Variants in CCDC149 observed in about 807,000 individuals in gnomAD.
CCDC149 encodes the protein coiled-coil domain containing 149.
Under a neutral mutation model 59.9 loss-of-function variants are expected in CCDC149, and 45 were observed. The observed-to-expected ratio is 0.75, with a 90% confidence interval of 0.59 to 0.96. The LOEUF is 0.96. Ranked by LOEUF, CCDC149 falls within the 40% of genes least tolerant of loss-of-function variation. The pLI is 0.00. For synonymous variants in CCDC149, 245 were observed against 260.6 expected (o/e 0.94, Z 0.58); for missense variants, 584 against 664.7 (o/e 0.88, Z 1.33).
chr4:24,932,713 C>T (rs919224644), intron 1 of CCDC149, among the ~76,000 whole-genome samples: 1 of 152,126 alleles, frequency 6.6e-6, no homozygotes, highest in African/African-American at 2.4e-5. Context: ...AATTAAATTG[C>T]AACCCAGCAC....
intron 1 of CCDC149, among the ~76,000 whole-genome samples, chr4:24,939,563 G>A (rs1432928353): frequency 6.6e-6 from 1 of 152,202 alleles, no homozygotes; most frequent in East Asian, 1.9e-4. Context: ...TTGACGAGTT[G>A]AGAGAGAAAG....
At chr4:24,934,305 G>C (rs911417014) in intron 1 of CCDC149, among the ~76,000 whole-genome samples, 13 of 152,122 alleles carry the variant, frequency 8.5e-5, no homozygotes, top group African/African-American at 2.7e-4. Context: ...TTTTATAAAG[G>C]GTTTCCCCTT....
intron 9 of CCDC149, chr4:24,828,868 A>G: frequency 6.6e-6 from 1 of 152,254 alleles, no homozygotes; most frequent in Non-Finnish European, 1.5e-5. Context: ...AAAAATAAAC[A>G]TGGTCAAATG....
chr4:24,906,375 A>AT (rs1553859575), intron 1 of CCDC149, among the ~76,000 whole-genome samples: 33 of 10,470 alleles, frequency 3.2e-3, no homozygotes, highest in South Asian at 6.5e-3. Context: ...ATTTTATTTT[A>AT]TTTTATTTTA....
chr4:24,808,754 C>T lies in CCDC149; in HGVS notation c.1258G>A (p.Asp420Asn). Residue 420 changes from aspartate to asparagine, a missense_variant, in exon 13 of 13, where the codon GAT becomes AAT. Transcript: ENST00000635206. ...GAGTTGACAGCGGGCCTCCCAGCATCCTCAGGCGCTGTCAACGCCTCAGCA... is the reference window on the plus strand; with the variant it reads ...GAGTTGACAGCGGGCCTCCCAGCATTCTCAGGCGCTGTCAACGCCTCAGCA... The T allele has an allele frequency of 6.4e-7, 1 of 1,551,978 alleles. No individual in the cohort carries two copies. The highest frequency in any genetic ancestry group is 8.7e-7 in the Non-Finnish European group (1 of 1,147,068).
At chr4:24,879,441 C>T (rs761843956) in intron 1 of CCDC149, among the ~76,000 whole-genome samples, 5 of 151,200 alleles carry the variant, frequency 3.3e-5, no homozygotes, top group African/African-American at 9.7e-5. Context: ...CACTTGAACC[C>T]GGGAGGCAGA....
At chr4:24,858,370 T>C (rs1718160679) in intron 3 of CCDC149, among the ~76,000 whole-genome samples, 1 of 152,234 alleles carries the variant, frequency 6.6e-6, no homozygotes, top group South Asian at 2.1e-4. Context: ...GCAGCATAAA[T>C]AGCAAAACAT....
intron 1 of CCDC149, among the ~76,000 whole-genome samples, chr4:24,968,547 C>T (rs1456284505): frequency 6.6e-6 from 1 of 152,174 alleles, no homozygotes; most frequent in Non-Finnish European, 1.5e-5. Context: ...GGCCATGGGG[C>T]CCGAGGCACC....
At chr4:24,804,157 A>G (rs1714008135), downstream of CCDC149, among the ~76,000 whole-genome samples, 2 of 152,330 alleles carry the variant, frequency 1.3e-5, no homozygotes, top group Admixed American at 1.3e-4. Flanking sequence ...TGGAGGCTTC[A>G]GAATGAAAGC....
At chr4:24,916,173 T>C (rs1041954616), upstream of CCDC149, among the ~76,000 whole-genome samples, 1 of 152,206 alleles carries the variant, frequency 6.6e-6, no homozygotes, top group African/African-American at 2.4e-5. Flanking sequence ...TTCTGAAAAC[T>C]GATCTCTAGG....
chr4:24,893,876 G>A (rs1720688699), intron 1 of CCDC149, among the ~76,000 whole-genome samples: 1 of 152,042 alleles, frequency 6.6e-6, no homozygotes, highest in South Asian at 2.1e-4. Flanking sequence ...AAAGTGCTGA[G>A]ATTACAGGTA....
At chr4:24,859,957 T>C (rs1296635747) in intron 3 of CCDC149, among the ~76,000 whole-genome samples, 3 of 152,090 alleles carry the variant, frequency 2.0e-5, no homozygotes, top group Non-Finnish European at 2.9e-5. Context: ...CACAACCAAA[T>C]AGAAACACAC....
intron 1 of CCDC149, among the ~76,000 whole-genome samples, chr4:24,965,101 C>T (rs904466643): frequency 6.6e-6 from 1 of 150,876 alleles, no homozygotes; most frequent in African/African-American, 2.5e-5. Flanking sequence ...TTTTGAACTT[C>T]AGAAGGGAAA....
intron 3 of CCDC149, among the ~76,000 whole-genome samples, chr4:24,859,486 C>T (rs1453200214): frequency 1.8e-4 from 27 of 152,164 alleles, no homozygotes; most frequent in Admixed American, 1.8e-3. Context: ...CCACAGCCAA[C>T]ATTATGCTGA....
chr4:24,906,554 C>T (rs920847769), intron 1 of CCDC149, among the ~76,000 whole-genome samples: 3 of 151,760 alleles, frequency 2.0e-5, no homozygotes, highest in Middle Eastern at 3.4e-3. Context: ...ACATCCACTA[C>T]GCCCAGCTGA....
At chr4:24,905,445 G>A (rs1721435544) in intron 1 of CCDC149, among the ~76,000 whole-genome samples, 1 of 147,856 alleles carries the variant, frequency 6.8e-6, no homozygotes, top group Admixed American at 6.8e-5. Flanking sequence ...GTGTGTGTGT[G>A]TGTGTGTGTG....
intron 1 of CCDC149, among the ~76,000 whole-genome samples, chr4:24,954,186 G>T (rs113494247): frequency 2.0e-5 from 3 of 152,214 alleles, no homozygotes; most frequent in African/African-American, 7.2e-5. Context: ...CAAGCTCCAA[G>T]TAGGATAAAC....
At position 24,896,399 on chromosome 4, in the gene CCDC149, A is replaced by G. The variant is rs1177563524; in HGVS notation, c.63+16418T>C. On this transcript the variant is annotated intron_variant, in intron 1 of 12. Transcript: ENST00000635206. ...ACGAATGTAAAGAATTATTTTTATCATTATTTTTCTTAATGAGAAGACCAT... is the reference window on the plus strand; with the variant it reads ...ACGAATGTAAAGAATTATTTTTATCGTTATTTTTCTTAATGAGAAGACCAT... 3.9e-5 allele frequency among the ~76,000 whole-genome samples: 6 copies of G among 152,182 alleles called. No homozygotes were observed. The East Asian group carries it at 1.2e-3, about 29-fold the overall frequency.
intron 1 of CCDC149, among the ~76,000 whole-genome samples, chr4:24,960,776 A>G (rs1041296676): frequency 1.1e-4 from 16 of 152,226 alleles, no homozygotes; most frequent in African/African-American, 3.9e-4. Context: ...ATGGGATTGC[A>G]AGGAGAAATA....
Sources: gnomAD v4.1 joint callset for allele counts (sites outside exome capture counted in the v4.1 genomes callset) on GRCh38, gnomAD v4.1.1 for gene constraint, MANE v1.5 for transcripts, NCBI Gene and HGNC (gene_info 2026-07-23, HGNC 2026-07-21) for gene names.